Variants in NBAS observed in about 807,000 individuals in gnomAD.
NBAS encodes the protein NBAS subunit of NRZ tethering complex.
In NBAS, 219 loss-of-function variants were observed where a neutral mutation model predicts 302.5. The observed-to-expected ratio is 0.72, with a 90% CI of 0.65 to 0.81. The LOEUF is 0.81. Among genes scored for constraint, NBAS ranks in the 30% least tolerant of loss-of-function variants. The pLI is 0.00. For missense variants in NBAS, 2,932 were observed against 2,841.6 expected (o/e 1.03, Z -0.72); for synonymous variants, 1,118 against 1,021.6 (o/e 1.09, Z -1.80).
At chr2:15,512,625 T>A (rs1057081482) in intron 9 of NBAS, among the ~76,000 whole-genome samples, 2 of 152,130 alleles carry the variant, frequency 1.3e-5, no homozygotes. Context: ...GAAGAGTCAA[T>A]GTCAGAGTAA....
At chr2:15,477,547 C>A (rs377660667) in intron 13 of NBAS, among the ~76,000 whole-genome samples, 1 of 152,134 alleles carries the variant, frequency 6.6e-6, no homozygotes, top group African/African-American at 2.4e-5. Flanking sequence ...CCACCGCGCC[C>A]GGCATAAAAG....
At chr2:15,317,304 G>A (rs1014704141) in intron 38 of NBAS, among the ~76,000 whole-genome samples, 2 of 152,154 alleles carry the variant, frequency 1.3e-5, no homozygotes, top group African/African-American at 4.8e-5. Context: ...AACCAGAGCA[G>A]AAAAGCTGAA....
chr2:15,234,476 T>C (rs112606668), intron 46 of NBAS, 69 bp downstream of exon 46: 2 of 1,493,942 alleles, frequency 1.3e-6, no homozygotes, highest in African/African-American at 1.4e-5. Flanking sequence ...ACATACAGGA[T>C]GACAGTTTAG....
chr2:14,859,052 G>A, the NBAS span, among the ~76,000 whole-genome samples: 3 of 151,780 alleles, frequency 2.0e-5, no homozygotes, highest in East Asian at 5.8e-4. Context: ...CAAACAATCT[G>A]AAAAACAAAT....
intron 48 of NBAS, among the ~76,000 whole-genome samples, chr2:15,208,737 A>C (rs1442922394): frequency 6.6e-6 from 1 of 152,188 alleles, no homozygotes; most frequent in Admixed American, 6.5e-5. Context: ...AAACTGAAAA[A>C]TTTCTTGAAA....
At chr2:15,176,638 A>G (rs1012198200) in intron 51 of NBAS, among the ~76,000 whole-genome samples, 10 of 152,234 alleles carry the variant, frequency 6.6e-5, no homozygotes, top group Non-Finnish European at 1.5e-4. Context: ...GAATATTTGC[A>G]TTATACTTAC....
intron 35 of NBAS, among the ~76,000 whole-genome samples, chr2:15,350,426 C>T (rs187562351): frequency 5.3e-5 from 8 of 152,270 alleles, no homozygotes; most frequent in African/African-American, 7.2e-5. Context: ...AGAATCATCA[C>T]GTCTTAATTT....
chr2:14,949,173 T>C, the NBAS span, among the ~76,000 whole-genome samples: 5 of 152,162 alleles, frequency 3.3e-5, no homozygotes, highest in Non-Finnish European at 1.5e-5. Flanking sequence ...TCCAGGACAC[T>C]GGTTTTGGCA....
At chr2:15,467,054 T>C (rs1293693185) in intron 19 of NBAS, among the ~76,000 whole-genome samples, 1 of 151,686 alleles carries the variant, frequency 6.6e-6, no homozygotes, top group African/African-American at 2.4e-5. Context: ...AATCAAAATA[T>C]AAAAGTAAAT....
the NBAS span, among the ~76,000 whole-genome samples, chr2:15,029,951 A>T: frequency 2.0e-5 from 3 of 152,238 alleles, no homozygotes; most frequent in African/African-American, 4.8e-5. Context: ...TTCTCAAATA[A>T]GAGCTGAGAC....
intron 48 of NBAS, among the ~76,000 whole-genome samples, chr2:15,193,054 G>A (rs887990919): frequency 6.6e-6 from 1 of 152,064 alleles, no homozygotes; most frequent in African/African-American, 2.4e-5. Context: ...CTTTATATTT[G>A]TTTTTATAAT....
intron 44 of NBAS, among the ~76,000 whole-genome samples, chr2:15,271,353 G>C (rs1442513277): frequency 1.3e-5 from 2 of 152,154 alleles, no homozygotes; most frequent in African/African-American, 2.4e-5. Context: ...TTAGAAAGTA[G>C]GCTAGATAAG....
chr2:15,374,187 GA>G (rs1674622725), intron 31 of NBAS, among the ~76,000 whole-genome samples: 2 of 152,048 alleles, frequency 1.3e-5, no homozygotes, highest in African/African-American at 4.8e-5. Flanking sequence ...GTAATATACT[GA>G]GTCAAGCATA....
intron 9 of NBAS, among the ~76,000 whole-genome samples, chr2:15,530,251 AT>A (rs1354183181): frequency 6.6e-6 from 1 of 152,124 alleles, no homozygotes; most frequent in Non-Finnish European, 1.5e-5. Context: ...TGTGCTGAAT[AT>A]TTAACCCTCA....
intron 38 of NBAS, among the ~76,000 whole-genome samples, chr2:15,315,832 G>A (rs1378327949): frequency 6.6e-6 from 1 of 152,092 alleles, no homozygotes; most frequent in African/African-American, 2.4e-5. Flanking sequence ...ATGAATTGTA[G>A]GGAACTGATG....
At chr2:15,183,167 G>A (rs955622249) in intron 50 of NBAS, among the ~76,000 whole-genome samples, 8 of 152,120 alleles carry the variant, frequency 5.3e-5, no homozygotes, top group Admixed American at 1.3e-4. Context: ...AAAAGATACT[G>A]CCACTTTTTA....
chr2:15,274,946 G>A (rs373678294), intron 44 of NBAS, among the ~76,000 whole-genome samples: 4 of 145,048 alleles, frequency 2.8e-5, no homozygotes, highest in Admixed American at 6.9e-5. Context: ...TTTTTTTTTG[G>A]TTTTTTTTTT....
chr2:15,532,344 C>G (rs577710787), intron 9 of NBAS, among the ~76,000 whole-genome samples: 1 of 151,966 alleles, frequency 6.6e-6, no homozygotes, highest in South Asian at 2.1e-4. Context: ...AAAAAATTAG[C>G]CGGGCTTGGT....
the NBAS span, among the ~76,000 whole-genome samples, chr2:14,785,200 C>G: frequency 6.6e-6 from 1 of 152,134 alleles, no homozygotes; most frequent in South Asian, 2.1e-4. Flanking sequence ...AGGTGCTTAT[C>G]AGCTTAAGGA....
Sources: gnomAD v4.1 joint callset for allele counts (sites outside exome capture counted in the v4.1 genomes callset) on GRCh38, gnomAD v4.1.1 for gene constraint, MANE v1.5 for transcripts, NCBI Gene and HGNC (gene_info 2026-07-23, HGNC 2026-07-21) for gene names.